PCTP: variants seen among roughly 807,000 people sequenced by gnomAD.
PCTP encodes the protein phosphatidylcholine transfer protein, also known as START domain-containing protein 2.
A neutral mutation model predicts 31.0 loss-of-function variants in PCTP; 27 were observed. The observed-to-expected ratio is 0.87, with a 90% CI of 0.64 to 1.20. The LOEUF (loss-of-function observed/expected upper bound fraction) is 1.20, where lower values mean the gene tolerates loss of function less well. PCTP is among the 50% of genes most tolerant of loss of function. The pLI is 0.00. For synonymous variants in PCTP, 108 were observed against 101.2 expected, an observed-to-expected ratio of 1.07 and a Z score of -0.40; for missense variants, 287 against 268.2, an observed-to-expected ratio of 1.07 and a Z score of -0.49.
intron 3 of PCTP, among the ~76,000 whole-genome samples, chr17:55,799,599 A>G (rs550419957): frequency 1.1e-4 from 16 of 152,166 alleles, no homozygotes; most frequent in Middle Eastern, 3.4e-3. Context: ...GTTATGTGTG[A>G]ATTTGATCCT....
rs189147088 is a variant in PCTP at position 55,799,005 on chromosome 17, A to C, written c.317+11351A>C. 2.2e-3 allele frequency among the ~76,000 whole-genome samples: 332 copies of C among 151,952 alleles called. 1 individual carries two copies. Among genetic ancestry groups the C allele is most frequent in the African/African-American group, 7.7e-3 (321 of 41,532 alleles). On this transcript the variant is annotated intron_variant, in intron 3 of 3. Coordinates refer to the PCTP transcript ENST00000572536. The stretch of plus-strand genomic sequence containing the variant: ...TATATATTTATGTTAAATATTAATA[A>C]AATATTTATGTTTGAATCTCAAGGA...
intron 5 of PCTP, among the ~76,000 whole-genome samples, chr17:55,829,794 T>G (rs1425261681): frequency 6.6e-6 from 1 of 152,066 alleles, no homozygotes; most frequent in African/African-American, 2.4e-5. Flanking sequence ...CCACAGATGG[T>G]GGCTTGTGTT....
chr17:55,843,466 T>C (rs985884821), downstream of PCTP, among the ~76,000 whole-genome samples: 1 of 152,178 alleles, frequency 6.6e-6, no homozygotes, highest in African/African-American at 2.4e-5. Context: ...CCAGAACAAC[T>C]TTATGCAGTT....
downstream of PCTP, among the ~76,000 whole-genome samples, chr17:55,843,908 T>G (rs1906063854): frequency 6.6e-6 from 1 of 152,168 alleles, no homozygotes; most frequent in Non-Finnish European, 1.5e-5. Context: ...TTTCTGGCAA[T>G]CATTACACTA....
intron 3 of PCTP, among the ~76,000 whole-genome samples, chr17:55,808,676 T>G (rs1457724081): frequency 6.6e-6 from 1 of 152,224 alleles, no homozygotes. Flanking sequence ...CTTTTCTCTC[T>G]GTCCAAAGCT....
At chr17:55,782,274 C>G (rs1329335132), downstream of PCTP, among the ~76,000 whole-genome samples, 1 of 152,176 alleles carries the variant, frequency 6.6e-6, no homozygotes, top group Non-Finnish European at 1.5e-5. Context: ...ATCTTATCCT[C>G]AAACACCCCT....
chr17:55,825,325 G>C (rs1281199042), downstream of PCTP, among the ~76,000 whole-genome samples: 1 of 152,204 alleles, frequency 6.6e-6, no homozygotes, highest in Non-Finnish European at 1.5e-5. Context: ...AAAACTCAAG[G>C]CTGTCTCAGT....
intron 5 of PCTP, among the ~76,000 whole-genome samples, chr17:55,837,733 C>A (rs1015904125): frequency 4.6e-5 from 7 of 151,672 alleles, no homozygotes; most frequent in Admixed American, 4.6e-4. Flanking sequence ...CATCTTCTGA[C>A]AGAGCCACCA....
chr17:55,824,168 T>C (rs1905318560), downstream of PCTP, among the ~76,000 whole-genome samples: 1 of 152,188 alleles, frequency 6.6e-6, no homozygotes, highest in African/African-American at 2.4e-5. Flanking sequence ...ACTTGTCTAA[T>C]GCACTAGTCC....
chr17:55,851,889 AT>A, the PCTP span, among the ~76,000 whole-genome samples: 1 of 152,184 alleles, frequency 6.6e-6, no homozygotes, highest in African/African-American at 2.4e-5. Context: ...TGTATGTACT[AT>A]CTTGATCTCA....
chr17:55,790,172 C>T (rs183248999), intron 3 of PCTP, among the ~76,000 whole-genome samples: 1 of 152,080 alleles, frequency 6.6e-6, no homozygotes, highest in South Asian at 2.1e-4. Flanking sequence ...TAAGAGCTAT[C>T]TGTGACAAAC....
At chr17:55,784,240 T>G (rs1348309164) in intron 2 of PCTP, among the ~76,000 whole-genome samples, 1 of 152,160 alleles carries the variant, frequency 6.6e-6, no homozygotes, top group African/African-American at 2.4e-5. Flanking sequence ...GAGAAGGAAT[T>G]GGCAATCTAA....
chr17:55,842,436 CT>C (rs567078126), intron 5 of PCTP, among the ~76,000 whole-genome samples: 4 of 152,098 alleles, frequency 2.6e-5, no homozygotes, highest in Admixed American at 1.3e-4. Flanking sequence ...TATATCAGTT[CT>C]TGAATGGGCA....
chr17:55,771,914 AGTGTTTTACAG>A (rs1911029218), intron 3 of PCTP, among the ~76,000 whole-genome samples: 1 of 152,098 alleles, frequency 6.6e-6, no homozygotes, highest in South Asian at 2.1e-4. Flanking sequence ...CCAGCAGCGG[AGTGTTTTACAG>A]GTTCAATTTC....
chr17:55,757,472 AC>A (rs1302442745), intron 1 of PCTP, among the ~76,000 whole-genome samples: 10 of 148,392 alleles, frequency 6.7e-5, no homozygotes, highest in African/African-American at 2.5e-4. Flanking sequence ...ACACACACAC[AC>A]ACGTATGTAT....
intron 3 of PCTP, among the ~76,000 whole-genome samples, chr17:55,799,446 T>A (rs1170254614): frequency 6.6e-6 from 1 of 152,012 alleles, no homozygotes. Context: ...CTCCATCCCT[T>A]TGTTTTGAGC....
chr17:55,773,950 C>A, intron 4 of PCTP, 55 bp downstream of exon 4: 1 of 1,512,224 alleles, frequency 6.6e-7, no homozygotes, highest in South Asian at 1.2e-5. Context: ...CACGGGAGGG[C>A]CAGGCTGATG....
intron 2 of PCTP, among the ~76,000 whole-genome samples, chr17:55,785,530 C>T (rs760379404): frequency 2.0e-5 from 3 of 152,228 alleles, no homozygotes; most frequent in Non-Finnish European, 2.9e-5. Flanking sequence ...GAAGCAATGC[C>T]TCATTTATTT....
intron 2 of PCTP, among the ~76,000 whole-genome samples, chr17:55,785,420 G>A (rs1054164264): frequency 6.6e-6 from 1 of 152,254 alleles, no homozygotes; most frequent in Admixed American, 6.5e-5. Context: ...GCTGCCCTGT[G>A]AGACAGGCTA....
Sources: allele counts gnomAD v4.1 joint callset (sites outside exome capture counted in the v4.1 genomes callset), GRCh38; gene constraint gnomAD v4.1.1; transcripts MANE v1.5; gene names NCBI Gene and HGNC (gene_info 2026-07-23, HGNC 2026-07-21).